Variants in KANTR observed in about 807,000 individuals in gnomAD.
KANTR encodes KANTR integral membrane protein, also known as KDM5C adjacent transcript.
chrX:53,141,612 C>T (rs182249815), intron 2 of KANTR, among the ~76,000 whole-genome samples: 2 of 109,712 alleles, frequency 1.8e-5, no homozygotes, highest in Admixed American at 2.0e-4. Flanking sequence ...TTCTCTCTGT[C>T]CCTCATTCTT....
intron 2 of KANTR, among the ~76,000 whole-genome samples, chrX:53,117,640 G>A (rs782283488): frequency 1.2e-4 from 10 of 82,112 alleles, no homozygotes; most frequent in East Asian, 7.9e-4. Context: ...TTTTTGAGAC[G>A]GAGTTTCACT....
At chrX:53,133,297 T>G in intron 2 of KANTR, among the ~76,000 whole-genome samples, 1 of 105,875 alleles carries the variant, frequency 9.4e-6, no homozygotes, top group African/African-American at 3.5e-5. Context: ...AGCCCAGGAG[T>G]CTGAGACTGC....
intron 2 of KANTR, among the ~76,000 whole-genome samples, chrX:53,117,012 C>T (rs886350151): frequency 2.7e-5 from 3 of 111,286 alleles, no homozygotes; most frequent in Non-Finnish European, 5.7e-5. Flanking sequence ...CTGGGCGCGG[C>T]GGCTCACACC....
chrX:53,141,814 C>A, intron 2 of KANTR: 1 of 222,023 alleles, frequency 4.5e-6, no homozygotes, highest in Non-Finnish European at 7.1e-6. Context: ...AGAAAAAAAC[C>A]TTACATAAAT....
At chrX:53,117,617 T>G (rs868978017) in intron 2 of KANTR, among the ~76,000 whole-genome samples, 3 of 90,291 alleles carry the variant, frequency 3.3e-5, no homozygotes, top group South Asian at 5.7e-4. Context: ...GTGTTTTTTT[T>G]TTTTTTTTTT....
chrX:53,105,493 CTT>C (rs148737823), intron 2 of KANTR, among the ~76,000 whole-genome samples: 87 of 95,645 alleles, frequency 9.1e-4, no homozygotes, highest in Non-Finnish European at 9.1e-4. Flanking sequence ...TGCAGGACTT[CTT>C]TTTTTTTTTT....
chrX:53,108,121 C>T (rs1932977126), intron 2 of KANTR, among the ~76,000 whole-genome samples: 1 of 109,545 alleles, frequency 9.1e-6, no homozygotes. Flanking sequence ...AAACTCCTGA[C>T]CTCATGATCT....
chrX:53,094,522 C>CCCCACCT (rs1326352920), intron 1 of KANTR: 2 of 111,673 alleles, frequency 1.8e-5, no homozygotes, highest in Non-Finnish European at 1.9e-5. Flanking sequence ...CCTCCCGCGG[C>CCCCACCT]CCCACCTCCC....
downstream of KANTR, chrX:53,143,686 A>T (rs1556818850): frequency 1.4e-6 from 1 of 710,948 alleles, no homozygotes; most frequent in African/African-American, 2.1e-5. Flanking sequence ...CCAGATGGTG[A>T]TGATGCCATG....
downstream of KANTR, chrX:53,143,805 C>T (rs868979451): frequency 9.8e-5 from 49 of 500,412 alleles, 2 homozygotes; most frequent in Middle Eastern, 4.1e-3. Flanking sequence ...GCCGGGGTCA[C>T]CTGATGATGG....
chrX:53,129,849 A>AATTTATTTATTTATTT (rs59141550), downstream of KANTR, among the ~76,000 whole-genome samples: 249 of 99,011 alleles, frequency 2.5e-3, 3 homozygotes, highest in Middle Eastern at 0.035. Context: ...TCTCCTTACA[A>AATTTATTTATTTATTT]ATTTATTTAT....
At chrX:53,112,282 G>C (rs1556813911) in intron 2 of KANTR, among the ~76,000 whole-genome samples, 1 of 111,977 alleles carries the variant, frequency 8.9e-6, no homozygotes, top group East Asian at 2.8e-4. Flanking sequence ...TTCCATCCAG[G>C]TTGCTGCGAA....
At chrX:53,132,211 T>C (rs926359380), downstream of KANTR, among the ~76,000 whole-genome samples, 2 of 111,738 alleles carry the variant, frequency 1.8e-5, no homozygotes, top group African/African-American at 6.5e-5. Flanking sequence ...CCTATAAAAA[T>C]CTCAGCAGGC....
exon 3 of KANTR, chrX:53,124,298 T>C (rs1259828456): frequency 3.4e-6 from 1 of 295,733 alleles, no homozygotes; most frequent in African/African-American, 2.7e-5. Context: ...TTACTGATAT[T>C]GGTTATTTGT....
At chrX:53,106,425 CAG>C (rs781815796) in intron 2 of KANTR, among the ~76,000 whole-genome samples, 1 of 109,923 alleles carries the variant, frequency 9.1e-6, no homozygotes, top group African/African-American at 3.4e-5. Flanking sequence ...TGTTTCAAGA[CAG>C]GGTCTCGTTC....
At chrX:53,113,872 C>T (rs2098725044) in intron 2 of KANTR, among the ~76,000 whole-genome samples, 1 of 108,190 alleles carries the variant, frequency 9.2e-6, no homozygotes, top group African/African-American at 3.4e-5. Flanking sequence ...TGAGCCACTG[C>T]ACCCAGTCGA....
chrX:53,136,730 A>ATATATATATATATATATATT (rs1491325771), intron 2 of KANTR, among the ~76,000 whole-genome samples: 1 of 42,574 alleles, frequency 2.3e-5, no homozygotes, highest in Non-Finnish European at 4.5e-5. Context: ...ATATATATAT[A>ATATATATATATATATATATT]TTTTGTTTGT....
downstream of KANTR, among the ~76,000 whole-genome samples, chrX:53,144,120 G>T (rs1375035484): frequency 8.9e-6 from 1 of 111,890 alleles, no homozygotes; most frequent in Non-Finnish European, 1.9e-5. Flanking sequence ...TGATTCCTTG[G>T]CTGGGTGGCT....
rs1041218735 is a variant in KANTR at position 53,118,743 on chromosome X, A to G, written c.-804-4726A>G. Among the ~76,000 whole-genome samples the G allele has an allele frequency of 3.0e-5, 3 of 99,390 alleles. No individual in the cohort carries two copies. In the East Asian group the frequency reaches 9.8e-4, roughly 33 times the overall value. 86.3% of individuals were successfully genotyped at this position (99,390 alleles called of 115,157 possible). ...ACTACTGCATTTGAGCCTAGGCGGC[A>G]GAACTAGACTCTGTCTCAAAAAAAA... On this transcript the variant is annotated intron_variant, in intron 2 of 2. Transcript: ENST00000604062.
Sources: allele counts gnomAD v4.1 joint callset (sites outside exome capture counted in the v4.1 genomes callset), GRCh38; gene constraint gnomAD v4.1.1; transcripts MANE v1.5; gene names NCBI Gene and HGNC (gene_info 2026-07-23, HGNC 2026-07-21).